The following ZNF724 variants were observed in gnomAD, a reference collection of about 807,000 sequenced individuals.
ZNF724 encodes the protein zinc finger protein 724, also known as zinc finger protein 724 pseudogene.
Under a neutral mutation model 29.3 loss-of-function variants are expected in ZNF724, and 14 were observed. The observed-to-expected ratio is 0.48, with a 90% CI of 0.32 to 0.75. The LOEUF (loss-of-function observed/expected upper bound fraction) is 0.75. ZNF724 is among the 30% of genes least tolerant of loss of function. The pLI, the probability that ZNF724 is intolerant of heterozygous loss-of-function variation, is 0.04. For synonymous variants in ZNF724, 180 were observed against 193.6 expected, an observed-to-expected ratio of 0.93 and a Z score of 0.58; for missense variants, 557 against 571.2, an observed-to-expected ratio of 0.98 and a Z score of 0.25.
intron 3 of ZNF724, among the ~76,000 whole-genome samples, chr19:23,224,840 A>G (rs942632452): frequency 1.3e-5 from 2 of 152,094 alleles, no homozygotes; most frequent in Non-Finnish European, 2.9e-5. Flanking sequence ...CTGTAGTCCC[A>G]GCTACTTGGG....
intron 1 of ZNF724, among the ~76,000 whole-genome samples, chr19:23,238,933 G>A (rs7253266): frequency 0.48 from 73,552 of 151,950 alleles, 19,507 homozygotes; most frequent in East Asian, 0.68. Flanking sequence ...TAAATCTCTG[G>A]ACAAGTTCTT....
intron 1 of ZNF724, among the ~76,000 whole-genome samples, chr19:23,247,233 T>A (rs1039802191): frequency 4.0e-5 from 6 of 151,714 alleles, no homozygotes; most frequent in Non-Finnish European, 7.4e-5. Flanking sequence ...TTTCAAAAAA[T>A]AAAAAATGTA....
chr19:23,225,801 G>A (rs1971816526), intron 3 of ZNF724, among the ~76,000 whole-genome samples: 1 of 152,016 alleles, frequency 6.6e-6, no homozygotes, highest in South Asian at 2.1e-4. Context: ...AGGGGAAAAT[G>A]GGCAGTTGTT....
intron 1 of ZNF724, among the ~76,000 whole-genome samples, chr19:23,244,543 T>C (rs1284382107): frequency 6.6e-6 from 1 of 152,164 alleles, no homozygotes; most frequent in Non-Finnish European, 1.5e-5. Context: ...AGCCAGTACA[T>C]AGGAGCAGAG....
chr19:23,240,717 TAA>T lies in ZNF724; in HGVS notation c.4-8426_4-8425del, dbSNP rs34692737. On this transcript the variant is annotated intron_variant, in intron 1 of 3. Coordinates refer to ENST00000418100, the MANE Select transcript of ZNF724 (RefSeq NM_001355404.2). ...CCTAGGTGACAGAGTGGATTCCACC[TAA>T]AAAAAAAAAAAAAAAAAAAATGGCA... Among the ~76,000 whole-genome samples the T allele has an allele frequency of 8.1e-3, 877 of 108,690 alleles. 5 individuals are homozygous for T. The highest frequency in any genetic ancestry group is 0.03 in the African/African-American group (796 of 26,762). The allele number at this position is 108,690 out of a possible 152,430, so 71.3% of individuals were successfully genotyped here.
At chr19:23,249,374 G>A (rs2145800146) in intron 1 of ZNF724, among the ~76,000 whole-genome samples, 1 of 151,058 alleles carries the variant, frequency 6.6e-6, no homozygotes, top group Admixed American at 6.6e-5. Flanking sequence ...CCGAGTGGCT[G>A]GGATTACAAG....
At chr19:23,229,419 G>C (rs930458561) in intron 3 of ZNF724, among the ~76,000 whole-genome samples, 5 of 152,162 alleles carry the variant, frequency 3.3e-5, no homozygotes, top group African/African-American at 1.2e-4. Flanking sequence ...CCATGACTCA[G>C]TTCAAGGCCA....
chr19:23,248,272 G>A (rs984630704), intron 1 of ZNF724, among the ~76,000 whole-genome samples: 1 of 152,024 alleles, frequency 6.6e-6, no homozygotes, highest in Non-Finnish European at 1.5e-5. Context: ...ATACACTAAA[G>A]GACAAATAGT....
intron 3 of ZNF724, among the ~76,000 whole-genome samples, chr19:23,227,109 T>C (rs1364683170): frequency 6.6e-6 from 1 of 152,134 alleles, no homozygotes; most frequent in Non-Finnish European, 1.5e-5. Context: ...ATTAACTATA[T>C]GGTAGTTAAA....
intron 1 of ZNF724, among the ~76,000 whole-genome samples, chr19:23,246,633 G>A (rs1402741245): frequency 2.0e-5 from 3 of 151,152 alleles, no homozygotes; most frequent in East Asian, 2.0e-4. Context: ...CAGCCTGGGC[G>A]ACAGAGCAAG....
intron 1 of ZNF724, among the ~76,000 whole-genome samples, chr19:23,249,714 A>T (rs2013555515): frequency 1.3e-5 from 2 of 151,570 alleles, no homozygotes; most frequent in Non-Finnish European, 2.9e-5. Flanking sequence ...TTATATTTTT[A>T]GTAGAGATGG....
chr19:23,238,862 G>C (rs897981940), intron 1 of ZNF724, among the ~76,000 whole-genome samples: 1 of 152,020 alleles, frequency 6.6e-6, no homozygotes, highest in Non-Finnish European at 1.5e-5. Flanking sequence ...AGCTGAGATC[G>C]TGCCACTGCA....
intron 1 of ZNF724, among the ~76,000 whole-genome samples, chr19:23,243,489 A>AAAT (rs1555725654): frequency 1.4e-5 from 2 of 145,920 alleles, no homozygotes; most frequent in African/African-American, 5.5e-5. Context: ...AAAAAAAAAA[A>AAAT]AAAAAAAAAA....
intron 1 of ZNF724, among the ~76,000 whole-genome samples, chr19:23,247,998 A>G (rs1219715980): frequency 2.0e-5 from 3 of 152,172 alleles, no homozygotes; most frequent in African/African-American, 7.2e-5. Context: ...GTTTATTCAG[A>G]TAGTACAGGA....
At position 23,222,291 on chromosome 19, in the gene ZNF724, A is replaced by G. The variant is rs1971729102; in HGVS notation, c.*94T>C. On this transcript the variant is annotated 3_prime_UTR_variant, in exon 4 of 4. Transcript: ENST00000418100. ...CCAGTAATTCTCTTCGTTGGCCAGG[A>G]TGGTCTCAATCTCTTGATCTTGTGA... 3 of 631,120 alleles carry G rather than the reference A, an allele frequency of 4.8e-6. No homozygotes were observed. The highest frequency in any genetic ancestry group is 8.3e-6 in the Non-Finnish European group (3 of 363,214). 39.1% of individuals were successfully genotyped at this position (631,120 alleles called of 1,614,324 possible). A position where few individuals can be genotyped will look rare whatever the true frequency, so the allele number is the denominator to read the frequency against.
chr19:23,242,823 T>C (rs1599648115), intron 1 of ZNF724: 1 of 149,910 alleles, frequency 6.7e-6, no homozygotes, highest in Non-Finnish European at 1.5e-5. Context: ...GTGGATCATC[T>C]GAGGTCAGGA....
intron 1 of ZNF724, among the ~76,000 whole-genome samples, chr19:23,234,134 C>T (rs761963654): frequency 3.2e-4 from 49 of 152,138 alleles, no homozygotes; most frequent in Non-Finnish European, 5.9e-4. Flanking sequence ...CCAAACAGAA[C>T]AGGCCCTGTG....
Position 23,222,648 on chromosome 19 carries a change from GTTTCT to G in ZNF724, c.1592_1596del (p.Glu531AlafsTer5). The G allele has an allele frequency of 7.3e-7, 1 of 1,364,042 alleles. No individual in the cohort carries two copies. The highest frequency in any genetic ancestry group is 1.0e-6 in the Non-Finnish European group (1 of 956,048). 84.5% of individuals were successfully genotyped at this position (1,364,042 alleles called of 1,614,324 possible). ...TTGCCACATTCTTCACATTTGTAGG[GTTTCT>G]CTCCAGCATGAATTATCTTATGTCT... On this transcript the variant is annotated frameshift_variant, in exon 4 of 4. Coordinates refer to ENST00000418100, the MANE Select transcript of ZNF724 (RefSeq NM_001355404.2). LOFTEE classifies it high-confidence loss of function.
chr19:23,227,555 C>CAA (rs1370441801), intron 3 of ZNF724, among the ~76,000 whole-genome samples: 1,470 of 75,882 alleles, frequency 0.019, 60 homozygotes, highest in African/African-American at 0.055. Context: ...GGCTCCATCT[C>CAA]AAAAAAAAAA....
Sources: allele counts gnomAD v4.1 joint callset (sites outside exome capture counted in the v4.1 genomes callset), GRCh38; gene constraint gnomAD v4.1.1; transcripts MANE v1.5; gene names NCBI Gene and HGNC (gene_info 2026-07-23, HGNC 2026-07-21).